NRXN1: variants seen among roughly 807,000 people sequenced by gnomAD.
NRXN1 encodes neurexin 1.
A neutral mutation model predicts 150.9 loss-of-function variants in NRXN1; 39 were observed. That is an observed-to-expected ratio of 0.26 (90% CI 0.20 to 0.34). The LOEUF (loss-of-function observed/expected upper bound fraction) is 0.34, where lower values mean the gene tolerates loss of function less well. NRXN1 is among the 10% of genes least tolerant of loss of function. NRXN1 has a pLI of 1.00. For missense variants in NRXN1, 1,815 were observed against 1,949.9 expected (o/e 0.93, Z 1.30); for synonymous variants, 924 against 757.0 (o/e 1.22, Z -3.62).
intron 19 of NRXN1, among the ~76,000 whole-genome samples, chr2:50,069,136 T>C (rs1017691263): frequency 5.9e-5 from 9 of 152,218 alleles, no homozygotes; most frequent in African/African-American, 2.2e-4. Flanking sequence ...AGAATAAGAA[T>C]ACTTTGGATA....
intron 21 of NRXN1, among the ~76,000 whole-genome samples, chr2:49,980,022 C>A (rs1039648109): frequency 6.6e-6 from 1 of 151,570 alleles, no homozygotes; most frequent in Admixed American, 6.6e-5. Context: ...TGGCCCCAGG[C>A]AATCTTTTCA....
intron 5 of NRXN1, among the ~76,000 whole-genome samples, chr2:50,700,764 G>C (rs1416897302): frequency 6.6e-6 from 1 of 151,316 alleles, no homozygotes; most frequent in Non-Finnish European, 1.5e-5. Context: ...TTTTTTATTT[G>C]ATACCTAGAC....
intron 5 of NRXN1, among the ~76,000 whole-genome samples, chr2:50,808,335 T>C (rs1667780877): frequency 6.6e-6 from 1 of 152,128 alleles, no homozygotes; most frequent in Admixed American, 6.5e-5. Context: ...ATGGAAAACT[T>C]TTTAGTTTTC....
At chr2:50,056,420 T>A (rs978280949) in intron 19 of NRXN1, among the ~76,000 whole-genome samples, 18 of 152,090 alleles carry the variant, frequency 1.2e-4, no homozygotes, top group African/African-American at 4.1e-4. Flanking sequence ...ATTTCACACA[T>A]TAATATTTAA....
intron 5 of NRXN1, among the ~76,000 whole-genome samples, chr2:50,639,202 T>TTTCTTTCTTTC (rs1553916392): frequency 4.7e-5 from 6 of 127,888 alleles, no homozygotes; most frequent in East Asian, 2.4e-4. Flanking sequence ...TTTATCATTT[T>TTTCTTTCTTTC]TTTCTTTCTT....
intron 5 of NRXN1, among the ~76,000 whole-genome samples, chr2:50,753,566 C>T (rs1308921927): frequency 6.6e-6 from 1 of 151,890 alleles, no homozygotes. Flanking sequence ...GCCAGCTTCA[C>T]ATGACACAGT....
At position 50,329,663 on chromosome 2, in the gene NRXN1, A is replaced by T. The variant is rs1289456844; in HGVS notation, c.3365-92693T>A. Among the ~76,000 whole-genome samples, 117 of 28,684 alleles carry T rather than the reference A, an allele frequency of 4.1e-3. 6 individuals carry two copies. Among genetic ancestry groups the T allele is most frequent in the African/African-American group, 0.021 (110 of 5,124 alleles). The allele number at this position is 28,684 out of a possible 152,430, so 18.8% of individuals were successfully genotyped here. On this transcript the variant is annotated intron_variant, in intron 17 of 22. Transcript: ENST00000401669. Reference sequence around the variant, plus strand: ...TATATATATATATATATATATATATATATATATATATTTTTTTTTTTCCCC... The same window carrying T: ...TATATATATATATATATATATATATTTATATATATATTTTTTTTTTTCCCC...
At chr2:50,762,915 A>G (rs565448838) in intron 5 of NRXN1, among the ~76,000 whole-genome samples, 1 of 151,888 alleles carries the variant, frequency 6.6e-6, no homozygotes, top group Non-Finnish European at 1.5e-5. Context: ...GAAGTTCTCA[A>G]AGTGGTGCAA....
intron 15 of NRXN1, among the ~76,000 whole-genome samples, chr2:50,484,154 T>C (rs888659709): frequency 6.6e-6 from 1 of 152,194 alleles, no homozygotes; most frequent in African/African-American, 2.4e-5. Flanking sequence ...GACAAAGTAG[T>C]ATAAAGCACA....
chr2:50,656,137 C>T (rs1315399003), intron 5 of NRXN1, among the ~76,000 whole-genome samples: 1 of 151,902 alleles, frequency 6.6e-6, no homozygotes, highest in East Asian at 1.9e-4. Context: ...TCTGAAATAA[C>T]TTCCAAACTA....
chr2:50,301,054 A>G (rs950208639), intron 17 of NRXN1, among the ~76,000 whole-genome samples: 12 of 152,336 alleles, frequency 7.9e-5, no homozygotes, highest in African/African-American at 2.6e-4. Context: ...GAACAAAAAT[A>G]CAAAAAGAGC....
At chr2:50,861,511 G>A (rs904173218) in intron 5 of NRXN1, among the ~76,000 whole-genome samples, 3 of 152,042 alleles carry the variant, frequency 2.0e-5, no homozygotes, top group Admixed American at 1.3e-4. Flanking sequence ...ATACTGATTC[G>A]TATAACCACC....
intron 15 of NRXN1, among the ~76,000 whole-genome samples, chr2:50,484,553 G>A (rs770077886): frequency 1.3e-5 from 2 of 152,148 alleles, no homozygotes; most frequent in African/African-American, 4.8e-5. Context: ...ACCAGCCGAT[G>A]ACTGATTGAT....
intron 5 of NRXN1, among the ~76,000 whole-genome samples, chr2:50,754,222 G>T (rs1422627922): frequency 6.6e-6 from 1 of 151,748 alleles, no homozygotes; most frequent in Admixed American, 6.6e-5. Flanking sequence ...CAGTTATCTG[G>T]TTAGATATTG....
At chr2:50,640,849 A>T (rs1398729144) in intron 5 of NRXN1, among the ~76,000 whole-genome samples, 2 of 152,126 alleles carry the variant, frequency 1.3e-5, no homozygotes, top group Non-Finnish European at 2.9e-5. Context: ...TGCTTTAAGT[A>T]TTTCTGGTGA....
intron 17 of NRXN1, among the ~76,000 whole-genome samples, chr2:50,241,054 A>G (rs1460899518): frequency 6.6e-6 from 1 of 151,642 alleles, no homozygotes; most frequent in Non-Finnish European, 1.5e-5. Flanking sequence ...ATTTTGTAGC[A>G]CAGATTAGGA....
intron 18 of NRXN1, among the ~76,000 whole-genome samples, chr2:50,156,843 T>C (rs1331529962): frequency 6.6e-6 from 1 of 152,000 alleles, no homozygotes; most frequent in Non-Finnish European, 1.5e-5. Context: ...ACCTGCAACA[T>C]GTAAAGCATA....
intron 3 of NRXN1, 128 bp downstream of exon 3, chr2:50,925,810 C>T (rs1686777816): frequency 1.4e-6 from 1 of 733,826 alleles, no homozygotes; most frequent in Non-Finnish European, 2.4e-6. Flanking sequence ...AAAAGTGATA[C>T]ACAATCCAGA....
chr2:50,706,507 C>A (rs948170182), intron 5 of NRXN1, among the ~76,000 whole-genome samples: 11 of 152,010 alleles, frequency 7.2e-5, no homozygotes, highest in African/African-American at 2.7e-4. Flanking sequence ...ATCTCTAATT[C>A]TCCAACTGGT....
Sources: allele counts gnomAD v4.1 joint callset (sites outside exome capture counted in the v4.1 genomes callset), GRCh38; gene constraint gnomAD v4.1.1; transcripts MANE v1.5; gene names NCBI Gene and HGNC (gene_info 2026-07-23, HGNC 2026-07-21).